Variants in TRIM25 observed in about 807,000 individuals in gnomAD.
TRIM25 encodes tripartite motif containing 25.
TRIM25 carries 45 observed loss-of-function variants against 65.2 expected under a neutral mutation model. The observed-to-expected ratio is 0.69, with a 90% CI of 0.54 to 0.89. The LOEUF (loss-of-function observed/expected upper bound fraction) is 0.89. Among genes scored for constraint, TRIM25 ranks in the 40% least tolerant of loss-of-function variants. TRIM25 has a pLI of 0.00. For missense variants in TRIM25, 714 were observed against 803.7 expected (o/e 0.89, Z 1.35); for synonymous variants, 321 against 340.4 (o/e 0.94, Z 0.63).
chr17:56,895,914 T>G lies in TRIM25; in HGVS notation c.1180+12A>C. The G allele has an allele frequency of 6.2e-7, 1 of 1,610,644 alleles. No individual in the cohort carries two copies. Among genetic ancestry groups the G allele is most frequent in the South Asian group, 1.1e-5 (1 of 89,732 alleles). On this transcript the variant is annotated intron_variant, in intron 6 of 8. Transcript: ENST00000316881. ...CTCAAGAAACGAACAGTTGCAGAAA[T>G]GCATAACTTACGAGGTTTCTTGGAT...
chr17:56,901,009 G>A (rs1026839427), intron 4 of TRIM25, among the ~76,000 whole-genome samples: 1 of 152,174 alleles, frequency 6.6e-6, no homozygotes. Flanking sequence ...ATTGAAAGAA[G>A]TGAAATTTGG....
chr17:56,890,581 G>T lies in TRIM25; in HGVS notation c.*1119C>A, dbSNP rs1369857234. ...CCTTTGGTGGTAGGTTGACACCCCAGCAAGTGGCCTAGCATGGTCCGAGGC... is the reference window on the plus strand; with the variant it reads ...CCTTTGGTGGTAGGTTGACACCCCATCAAGTGGCCTAGCATGGTCCGAGGC... On this transcript the variant is annotated 3_prime_UTR_variant, in exon 9 of 9. Coordinates refer to ENST00000316881, the MANE Select transcript of TRIM25 (RefSeq NM_005082.5). 6.6e-6 allele frequency: 3 copies of T among 455,756 alleles called. No individual in the cohort carries two copies. The highest frequency in any genetic ancestry group is 1.4e-4 in the East Asian group (2 of 14,384). 28.2% of individuals were successfully genotyped at this position (455,756 alleles called of 1,614,324 possible). A position where few individuals can be genotyped will look rare whatever the true frequency, so the allele number is the denominator to read the frequency against.
chr17:56,893,251 T>C (rs1352815513), intron 8 of TRIM25, among the ~76,000 whole-genome samples: 1 of 152,202 alleles, frequency 6.6e-6, no homozygotes, highest in Non-Finnish European at 1.5e-5. Flanking sequence ...GCTCAGGGCA[T>C]GACACTTTTC....
At chr17:56,896,833 T>TAA (rs1909303858) in intron 5 of TRIM25, among the ~76,000 whole-genome samples, 1 of 151,870 alleles carries the variant, frequency 6.6e-6, no homozygotes, top group Non-Finnish European at 1.5e-5. Flanking sequence ...GGTCAGGCAC[T>TAA]GTAGCTTACT....
Position 56,913,617 on chromosome 17 carries a change from G to A in TRIM25, c.372C>T (p.Ala124=). ...GCTGCAGGTGCTCCTGACAGAAGGA[G>A]GCCATGCACACCAAGCACGTCTTCA... is the stretch of plus-strand genomic sequence containing the variant. ...AAVKTCLVCM[A]SFCQEHLQPH... is the part of the protein sequence containing the mutation. Residue 124 remains alanine (A), a synonymous_variant, in exon 1 of 9, where the codon GCC becomes GCT. Coordinates refer to ENST00000316881, the MANE Select transcript of TRIM25 (RefSeq NM_005082.5). The surrounding 1 kb of genome is among the most constrained non-coding windows in gnomAD (Gnocchi z 6.1). 1.2e-6 allele frequency: 2 copies of A among 1,606,094 alleles called. No homozygotes were observed. Among genetic ancestry groups the A allele is most frequent in the Non-Finnish European group, 1.7e-6 (2 of 1,175,320 alleles).
Position 56,899,206 on chromosome 17 carries a change from G to T in TRIM25, c.1088-26C>A, listed in dbSNP as rs779971749. 1.9e-6 allele frequency: 3 copies of T among 1,613,852 alleles called. No homozygotes were observed. In the East Asian group the frequency reaches 6.7e-5, roughly 36 times the overall value. On this transcript the variant is annotated intron_variant, in intron 4 of 8. Coordinates refer to ENST00000316881, the MANE Select transcript of TRIM25 (RefSeq NM_005082.5). ...CTGTGTCAGAGAAGAAGGGCTCAGT[G>T]TGTGCGGCTCCTCTCACTGACCCTA...
rs915105642 is a variant in TRIM25, at chr17:56,889,242, G to A, written c.*2458C>T. 6.6e-5 allele frequency: 10 copies of A among 152,384 alleles called. No homozygotes were observed. Among genetic ancestry groups the A allele is most frequent in the African/African-American group, 2.4e-4 (10 of 41,556 alleles). The allele number at this position is 152,384 out of a possible 1,614,324, so 9.4% of individuals were successfully genotyped here. On this transcript the variant is annotated 3_prime_UTR_variant, in exon 9 of 9. Transcript: ENST00000316881. ...GCCACACGGACTGAGACAGTCCCCA[G>A]TACCTGGGTCTAGGAGAGTTATTTT...
Position 56,889,392 on chromosome 17 carries a change from T to G in TRIM25, c.*2308A>C, listed in dbSNP as rs1264553967. 1.1e-5 allele frequency: 2 copies of G among 186,476 alleles called. No homozygotes were observed. Among genetic ancestry groups the G allele is most frequent in the Non-Finnish European group, 1.1e-5 (1 of 91,020 alleles). 11.6% of individuals were successfully genotyped at this position (186,476 alleles called of 1,614,324 possible). Reference sequence around the variant, plus strand: ...TGGTGAACAGAGCGATCCTCTACTTTCTCATCATATTCTGCAAAATGAGAA... The same window carrying G: ...TGGTGAACAGAGCGATCCTCTACTTGCTCATCATATTCTGCAAAATGAGAA... On this transcript the variant is annotated 3_prime_UTR_variant, in exon 9 of 9. Transcript: ENST00000316881.
rs1261283775 is a variant in TRIM25 at position 56,914,001 on chromosome 17, G to T, written c.-13C>A. ...ACAGCTCTGCCATGGCGCTCCCAGG[G>T]GTCGGGACACAACTGCTGCACCCGC... is the stretch of plus-strand genomic sequence containing the variant. On this transcript the variant is annotated 5_prime_UTR_variant, in exon 1 of 9. Transcript: ENST00000316881. The T allele has an allele frequency of 2.0e-6, 3 of 1,529,658 alleles. No individual in the cohort carries two copies. Among genetic ancestry groups the T allele is most frequent in the Non-Finnish European group, 2.6e-6 (3 of 1,135,976 alleles). The allele number at this position is 1,529,658 out of a possible 1,614,324, so 94.8% of individuals were successfully genotyped here. A position where few individuals can be genotyped will look rare whatever the true frequency, so the allele number is the denominator to read the frequency against.
chr17:56,903,044 T>C (rs1362500831), intron 3 of TRIM25, among the ~76,000 whole-genome samples: 1 of 152,170 alleles, frequency 6.6e-6, no homozygotes, highest in African/African-American at 2.4e-5. Flanking sequence ...GCCAAACAGA[T>C]GCTGGTGCCA....
chr17:56,891,919 G>A lies in TRIM25; in HGVS notation c.1674C>T (p.Ile558=). The A allele has an allele frequency of 6.2e-7, 1 of 1,614,242 alleles. No individual in the cohort carries two copies. The highest frequency in any genetic ancestry group is 8.5e-7 in the Non-Finnish European group (1 of 1,180,048). The change falls in exon 9 of 9, where the codon ATC becomes ATT. Residue 558 remains isoleucine, a synonymous_variant. Coordinates refer to ENST00000316881, the MANE Select transcript of TRIM25 (RefSeq NM_005082.5). ...TCTCCACGTTATTGTGCCAGGCAGA[G>A]ATCTTGGTGTTGAACCACTCCACGC... ...SWCVEWFNTK[I]SAWHNNVEKT... is the part of the protein sequence containing the mutation.
chr17:56,895,395 C>G lies in TRIM25; in HGVS notation c.1311G>C (p.Lys437Asn). The G allele has an allele frequency of 6.2e-7, 1 of 1,614,140 alleles. No homozygotes were observed. Among genetic ancestry groups the G allele is most frequent in the Non-Finnish European group, 8.5e-7 (1 of 1,180,032 alleles). ...TSSHPNSTSL[K>N]AKVLETFLAK... ...CCAGGAAGGTCTCCAGCACCTTGGC[C>G]TTGAGAGATGTTGAGTTCGGATGTG... Residue 437 changes from lysine (K) to asparagine (N), a missense_variant, in exon 8 of 9, where the codon AAG (lysine) becomes AAC (asparagine). Lys to Asn is a moderately conservative substitution (Grantham distance 94). Around this residue, in one of 3 missense-constraint regions of TRIM25, gnomAD observed 413 missense variants for 498.2 expected, o/e 0.83. Coordinates refer to ENST00000316881, the MANE Select transcript of TRIM25 (RefSeq NM_005082.5).
In TRIM25 at chr17:56,901,954, G is replaced by C. The variant is rs117540241; in HGVS notation, c.928-376C>G. Among the ~76,000 whole-genome samples, 569 of 152,260 alleles carry C rather than the reference G, an allele frequency of 3.7e-3. 4 individuals carry two copies. Among genetic ancestry groups the C allele is most frequent in the South Asian group, 0.022 (106 of 4,830 alleles). ...AAACTCAGGACCACCCCAATCCTAGGGGAACAGCTCTAATCACACATTCTG... is the reference window on the plus strand; with the variant it reads ...AAACTCAGGACCACCCCAATCCTAGCGGAACAGCTCTAATCACACATTCTG... On this transcript the variant is annotated intron_variant, in intron 3 of 8. Coordinates refer to ENST00000316881, the MANE Select transcript of TRIM25 (RefSeq NM_005082.5).
At chr17:56,896,300 A>G (rs138945765) in intron 5 of TRIM25, among the ~76,000 whole-genome samples, 39 of 152,030 alleles carry the variant, frequency 2.6e-4, no homozygotes, top group Non-Finnish European at 4.6e-4. Context: ...CTGCAGGTAA[A>G]TTATATTTCC....
intron 1 of TRIM25, among the ~76,000 whole-genome samples, chr17:56,910,060 G>C (rs1001468532): frequency 2.6e-5 from 4 of 152,152 alleles, no homozygotes; most frequent in African/African-American, 7.2e-5. Context: ...GAACAATTAA[G>C]TGACTTGCCC....
rs1909661836 is a variant in TRIM25 at position 56,913,129 on chromosome 17, A to G, written c.597+263T>C. ...CACTCCAGCTTGGGTGAGAGGGACG[A>G]GACCCTGTCTCAAAAAAATAAAAAT... On this transcript the variant is annotated intron_variant, in intron 1 of 8. Transcript: ENST00000316881. The surrounding 1 kb of genome is among the most constrained non-coding windows in gnomAD (Gnocchi z 6.1). 6.0e-6 allele frequency: 2 copies of G among 333,266 alleles called. No individual in the cohort carries two copies. The highest frequency in any genetic ancestry group is 1.1e-5 in the Non-Finnish European group (2 of 184,542). The allele number at this position is 333,266 out of a possible 1,614,324, so 20.6% of individuals were successfully genotyped here. A position where few individuals can be genotyped will look rare whatever the true frequency, so the allele number is the denominator to read the frequency against.
intron 8 of TRIM25, among the ~76,000 whole-genome samples, chr17:56,894,744 A>AGAGC (rs1567838203): frequency 6.6e-6 from 1 of 152,192 alleles, no homozygotes; most frequent in East Asian, 1.9e-4. Context: ...AAGATTCCAG[A>AGAGC]GAGCGTGTGG....
At chr17:56,893,842 A>G (rs1909233234) in intron 8 of TRIM25, among the ~76,000 whole-genome samples, 2 of 152,206 alleles carry the variant, frequency 1.3e-5, no homozygotes, top group South Asian at 4.1e-4. Context: ...GCTAAATAAA[A>G]GCTGAAAGGC....
At chr17:56,896,296 G>T (rs1044459206) in intron 5 of TRIM25, among the ~76,000 whole-genome samples, 1 of 151,570 alleles carries the variant, frequency 6.6e-6, no homozygotes, top group African/African-American at 2.4e-5. Flanking sequence ...TTTACTGCAG[G>T]TAAATTATAT....
Sources: allele counts gnomAD v4.1 joint callset (sites outside exome capture counted in the v4.1 genomes callset), GRCh38; gene constraint gnomAD v4.1.1; regional missense constraint gnomAD v4.1.1; non-coding constraint Gnocchi (gnomAD v3.1); transcripts MANE v1.5; gene names NCBI Gene and HGNC (gene_info 2026-07-23, HGNC 2026-07-21).